Variants in PDE11A observed in about 807,000 individuals in gnomAD.
The protein encoded by PDE11A is dual 3',5'-cyclic-AMP and -GMP phosphodiesterase 11A.
A neutral mutation model predicts 100.5 loss-of-function variants in PDE11A; 100 were observed. The observed-to-expected ratio is 1.00, with a 90% CI of 0.85 to 1.18. The LOEUF (loss-of-function observed/expected upper bound fraction) is 1.18. PDE11A is among the 50% of genes most tolerant of loss of function. PDE11A has a pLI of 0.00. For missense variants in PDE11A, 1,141 were observed against 1,152.6 expected (o/e 0.99, Z 0.15); for synonymous variants, 381 against 420.8 (o/e 0.91, Z 1.16).
intron 10 of PDE11A, among the ~76,000 whole-genome samples, chr2:177,735,464 T>C (rs988858757): frequency 1.3e-5 from 2 of 150,594 alleles, no homozygotes; most frequent in East Asian, 1.9e-4. Context: ...AATGAGCGTA[T>C]GAGATGCAAA....
intron 13 of PDE11A, among the ~76,000 whole-genome samples, chr2:177,706,614 A>C (rs1250373760): frequency 6.6e-6 from 1 of 152,196 alleles, no homozygotes; most frequent in Non-Finnish European, 1.5e-5. Context: ...ATCTTAACGG[A>C]GGTTGGGTAA....
intron 9 of PDE11A, among the ~76,000 whole-genome samples, chr2:177,813,326 G>A (rs942953503): frequency 1.3e-5 from 2 of 152,080 alleles, no homozygotes; most frequent in Non-Finnish European, 2.9e-5. Context: ...TGGTCTCTTG[G>A]CTGAATTCTT....
chr2:177,630,401 A>T (rs1574077917), intron 19 of PDE11A, among the ~76,000 whole-genome samples: 1 of 152,340 alleles, frequency 6.6e-6, no homozygotes, highest in East Asian at 1.9e-4. Context: ...GAGCCCTAAA[A>T]GTAAGATGGC....
chr2:177,673,457 T>C (rs2080717546), intron 17 of PDE11A, among the ~76,000 whole-genome samples: 3 of 152,202 alleles, frequency 2.0e-5, no homozygotes, highest in East Asian at 1.9e-4. Context: ...GGAGTTGCCA[T>C]GGACCACTCA....
chr2:177,934,941 A>G (rs767956484), intron 2 of PDE11A, among the ~76,000 whole-genome samples: 1 of 152,222 alleles, frequency 6.6e-6, no homozygotes, highest in Non-Finnish European at 1.5e-5. Flanking sequence ...GATAGCAACA[A>G]CAGACGCTAG....
chr2:177,867,307 C>G (rs1025484215), intron 5 of PDE11A, among the ~76,000 whole-genome samples: 1 of 152,148 alleles, frequency 6.6e-6, no homozygotes, highest in Non-Finnish European at 1.5e-5. Flanking sequence ...TGATAATGTC[C>G]AAGTGGAGTG....
intron 10 of PDE11A, among the ~76,000 whole-genome samples, chr2:177,734,068 C>T (rs2081735275): frequency 6.6e-6 from 1 of 152,316 alleles, no homozygotes; most frequent in South Asian, 2.1e-4. Context: ...TGCAAACTAA[C>T]TTGGGTGCAC....
chr2:177,910,884 A>G (rs2084870515), intron 2 of PDE11A, among the ~76,000 whole-genome samples: 1 of 152,212 alleles, frequency 6.6e-6, no homozygotes, highest in South Asian at 2.1e-4. Context: ...GGTCTGGTCC[A>G]ATTATACATC....
intron 5 of PDE11A, among the ~76,000 whole-genome samples, chr2:177,870,256 TA>T (rs775832109): frequency 1.3e-5 from 2 of 152,190 alleles, no homozygotes; most frequent in African/African-American, 2.4e-5. Flanking sequence ...TTTTCATCAC[TA>T]ATATCAAATT....
intron 2 of PDE11A, among the ~76,000 whole-genome samples, chr2:177,934,291 A>T (rs1386110561): frequency 6.6e-6 from 1 of 152,226 alleles, no homozygotes; most frequent in Non-Finnish European, 1.5e-5. Flanking sequence ...TGAACAAGCA[A>T]AAAACAAATA....
chr2:177,907,449 G>A (rs753076647), intron 2 of PDE11A, among the ~76,000 whole-genome samples: 1 of 152,196 alleles, frequency 6.6e-6, no homozygotes, highest in Non-Finnish European at 1.5e-5. Flanking sequence ...CAGGCATGAT[G>A]CTATGTGTCA....
chr2:177,768,193 T>A (rs1214819638), intron 10 of PDE11A, among the ~76,000 whole-genome samples: 1 of 152,158 alleles, frequency 6.6e-6, no homozygotes. Context: ...AACATCTTCC[T>A]TTGCTCCCTT....
rs1159256525 is a variant in PDE11A at position 177,626,617 on chromosome 2, T to C, written c.*2790A>G. ...AGAGTGATACAGAAAACTGGCTTAA[T>C]AAAATCCATAAATCTGAACAACCTC... On this transcript the variant is annotated 3_prime_UTR_variant, in exon 20 of 20. Transcript: ENST00000286063. The C allele has an allele frequency of 6.6e-6, 1 of 152,644 alleles. No individual in the cohort carries two copies. The highest frequency in any genetic ancestry group is 1.9e-4 in the East Asian group (1 of 5,190). The allele number at this position is 152,644 out of a possible 1,614,324, so 9.5% of individuals were successfully genotyped here. A position where few individuals can be genotyped will look rare whatever the true frequency, so the allele number is the denominator to read the frequency against.
At chr2:177,724,812 T>TC (rs35517887) in intron 12 of PDE11A, among the ~76,000 whole-genome samples, 13,178 of 152,024 alleles carry the variant, frequency 0.087, 1,906 homozygotes, top group African/African-American at 0.29. Context: ...TAAGGTTTTT[T>TC]CCCCCTTTTC....
chr2:177,933,081 C>CAT (rs1466561208), intron 2 of PDE11A, among the ~76,000 whole-genome samples: 2 of 150,700 alleles, frequency 1.3e-5, no homozygotes, highest in Non-Finnish European at 3.0e-5. Flanking sequence ...CACACACACA[C>CAT]ACACACACAA....
intron 9 of PDE11A, among the ~76,000 whole-genome samples, chr2:177,782,452 T>G (rs973292152): frequency 6.6e-6 from 1 of 152,226 alleles, no homozygotes. Context: ...TAATCAGGTG[T>G]CAACTGAAGC....
chr2:177,998,163 G>T, intron 2 of PDE11A: 1 of 954,124 alleles, frequency 1.0e-6, no homozygotes, highest in Non-Finnish European at 1.7e-6. Flanking sequence ...CTGTCTGTAA[G>T]CTTTTTAACC....
intron 1 of PDE11A, among the ~76,000 whole-genome samples, chr2:178,056,308 A>C (rs1191880537): frequency 6.6e-6 from 1 of 152,204 alleles, no homozygotes; most frequent in African/African-American, 2.4e-5. Context: ...CAGGAACTTT[A>C]GGTTAACAGA....
At chr2:177,639,609 T>A (rs969057110) in intron 19 of PDE11A, among the ~76,000 whole-genome samples, 1 of 152,206 alleles carries the variant, frequency 6.6e-6, no homozygotes, top group African/African-American at 2.4e-5. Context: ...AATGGATATA[T>A]TTTCTCTTAT....
Sources: gnomAD v4.1 joint callset for allele counts (sites outside exome capture counted in the v4.1 genomes callset) on GRCh38, gnomAD v4.1.1 for gene constraint, MANE v1.5 for transcripts, NCBI Gene and HGNC (gene_info 2026-07-23, HGNC 2026-07-21) for gene names.